ZC3H4: variants seen among roughly 807,000 people sequenced by gnomAD.
ZC3H4 encodes zinc finger CCCH domain-containing protein 4.
In ZC3H4, 13 loss-of-function variants were observed where a neutral mutation model predicts 108.3. That is an observed-to-expected ratio of 0.12 (90% CI 0.08 to 0.19). The LOEUF is 0.19. Among genes scored for constraint, ZC3H4 ranks in the 10% least tolerant of loss-of-function variants. The pLI, the probability that ZC3H4 is intolerant of heterozygous loss-of-function variation, is 1.00. For missense variants in ZC3H4, 1,734 were observed against 1,838.8 expected (o/e 0.94, Z 1.04); for synonymous variants, 917 against 749.6 (o/e 1.22, Z -3.65).
rs755568718 is a variant in ZC3H4 at position 47,072,487 on chromosome 19, TGAGGGGGCCCGGGCGGTGGGGGAGGGG to T, written c.1640_1666del (p.Pro547_Pro555del). On this transcript the variant is annotated inframe_deletion, in exon 12 of 15. Transcript: ENST00000253048. This position sits in a 1 kb window ranked among gnomAD's most constrained non-coding sequence, Gnocchi z 5.6. Reference sequence around the variant, plus strand: ...TGGCTCATGCACCGGCATGGGCATCTGAGGGGGCCCGGGCGGTGGGGGAGGGGGAGGGGGCGGGGGCGGGGGGCCACC... The same window carrying T: ...TGGCTCATGCACCGGCATGGGCATCTGAGGGGGCGGGGGCGGGGGGCCACC... The T allele has an allele frequency of 3.4e-6, 3 of 893,346 alleles. No individual in the cohort carries two copies. The highest frequency in any genetic ancestry group is 3.5e-5 in the African/African-American group (1 of 28,886). The allele number at this position is 893,346 out of a possible 1,614,324, so 55.3% of individuals were successfully genotyped here.
At chr19:47,076,992 CAA>C (rs764299882) in intron 11 of ZC3H4, among the ~76,000 whole-genome samples, 1 of 150,312 alleles carries the variant, frequency 6.7e-6, no homozygotes, top group Non-Finnish European at 1.5e-5. Flanking sequence ...GACTCCGTCT[CAA>C]AAAAAAATTT....
Position 47,067,902 on chromosome 19 carries a change from G to A in ZC3H4, c.2399-33C>T. ...AGAACAGAGGAGCAGGGAGGGGTGA[G>A]TGGGCGCATCCACCACCCGCCCTCT... On this transcript the variant is annotated intron_variant, in intron 14 of 14. Transcript: ENST00000253048. The surrounding 1 kb of genome is among the most constrained non-coding windows in gnomAD (Gnocchi z 6.4). 1 of 1,546,052 alleles carries A rather than the reference G, an allele frequency of 6.5e-7. No individual in the cohort carries two copies. The highest frequency in any genetic ancestry group is 8.7e-7 in the Non-Finnish European group (1 of 1,148,570).
At chr19:47,083,316 A>C in intron 9 of ZC3H4, among the ~76,000 whole-genome samples, 1 of 150,608 alleles carries the variant, frequency 6.6e-6, no homozygotes, top group African/African-American at 2.4e-5. Flanking sequence ...AAATTAAAAA[A>C]AAAAAAAGAG....
In ZC3H4 at chr19:47,072,337, G is replaced by C. The variant is rs749115982; in HGVS notation, c.1802+15C>G. ...ACAGCGCCCACTGCCTGTCACGGGG[G>C]TCCAGGGCACTCACCTCACACCCAG... is the stretch of plus-strand genomic sequence containing the variant. On this transcript the variant is annotated intron_variant, in intron 12 of 14. Coordinates refer to ENST00000253048, the MANE Select transcript of ZC3H4 (RefSeq NM_015168.2). This position sits in a 1 kb window ranked among gnomAD's most constrained non-coding sequence, Gnocchi z 5.6. 1 of 1,610,932 alleles carries C rather than the reference G, an allele frequency of 6.2e-7. No homozygotes were observed. Among genetic ancestry groups the C allele is most frequent in the Non-Finnish European group, 8.5e-7 (1 of 1,178,872 alleles).
chr19:47,079,354 A>T (rs1401364172), intron 11 of ZC3H4, among the ~76,000 whole-genome samples: 1 of 151,876 alleles, frequency 6.6e-6, no homozygotes, highest in Non-Finnish European at 1.5e-5. Flanking sequence ...AAAGAAAAAA[A>T]AAGTAATTTC....
At chr19:47,093,927 T>C (rs746508392) in intron 4 of ZC3H4, 43 bp downstream of exon 4, 5 of 1,554,428 alleles carry the variant, frequency 3.2e-6, no homozygotes, top group Admixed American at 1.7e-5. Context: ...GCAGTTGAAC[T>C]CCTCCCGGCC....
At chr19:47,091,656 G>A (rs1481056589) in intron 4 of ZC3H4, among the ~76,000 whole-genome samples, 1 of 151,322 alleles carries the variant, frequency 6.6e-6, no homozygotes, top group African/African-American at 2.4e-5. Context: ...CGGAGGCAAA[G>A]GCAGGCAGAT....
At chr19:47,112,270 A>T in intron 2 of ZC3H4, 154 bp downstream of exon 2, 1 of 1,131,366 alleles carries the variant, frequency 8.8e-7, no homozygotes, top group Non-Finnish European at 1.1e-6. Context: ...GCGAGCGAGC[A>T]AGCGATCGAG....
At chr19:47,102,763 T>TCA (rs1474299479) in intron 2 of ZC3H4, among the ~76,000 whole-genome samples, 1 of 148,334 alleles carries the variant, frequency 6.7e-6, no homozygotes, top group African/African-American at 2.5e-5. Flanking sequence ...ACCGAAGGAA[T>TCA]TCTGGCAAAA....
In ZC3H4 at chr19:47,066,661, T is replaced by G. The variant is rs1262546526; in HGVS notation, c.3607A>C (p.Lys1203Gln). The change falls in exon 15 of 15, where the codon AAG becomes CAG. Residue 1203 changes from lysine (K) to glutamine (Q), a missense_variant. Physicochemically the swap from Lys to Gln is moderately conservative, Grantham distance 53. Coordinates refer to ENST00000253048, the MANE Select transcript of ZC3H4 (RefSeq NM_015168.2). ...GGGGTGCCCCCATCAGCACCGGCCT[T>G]CCCTGTCTCTGGCTGTTCCAGGGCA... Reference protein sequence around the residue: ...KSALEQPETGKAGADGGTPTD... With the variant: ...KSALEQPETGQAGADGGTPTD... 5 of 1,611,714 alleles carry G rather than the reference T, an allele frequency of 3.1e-6. No homozygotes were observed. The highest frequency in any genetic ancestry group is 4.2e-6 in the Non-Finnish European group (5 of 1,179,602).
chr19:47,095,360 C>G lies in ZC3H4; in HGVS notation c.162-752G>C, dbSNP rs376471278. 8.7e-4 allele frequency among the ~76,000 whole-genome samples: 132 copies of G among 152,322 alleles called. 3 individuals are homozygous for G. The highest frequency in any genetic ancestry group is 3.4e-3 in the Middle Eastern group (1 of 294). ...GTCCCAGGTCACAAGGTCTGACCCACCCTCGTCAGTCCCACACCTCTAGGC... is the reference window on the plus strand; with the variant it reads ...GTCCCAGGTCACAAGGTCTGACCCAGCCTCGTCAGTCCCACACCTCTAGGC... On this transcript the variant is annotated intron_variant, in intron 2 of 14. Coordinates refer to ENST00000253048, the MANE Select transcript of ZC3H4 (RefSeq NM_015168.2).
At chr19:47,079,687 G>T (rs1038851545) in intron 11 of ZC3H4, among the ~76,000 whole-genome samples, 2 of 152,196 alleles carry the variant, frequency 1.3e-5, no homozygotes, top group Admixed American at 6.5e-5. Context: ...CACAAGGTCA[G>T]TAGTTCGAGA....
rs1035929519 is a variant in ZC3H4, at chr19:47,086,479, G to A, written c.775C>T (p.Arg259Cys). The A allele has an allele frequency of 4.3e-6, 7 of 1,609,984 alleles. No homozygotes were observed. The highest frequency in any genetic ancestry group is 5.1e-6 in the Non-Finnish European group (6 of 1,179,478). The part of the protein sequence containing the change: ...GRGSRGGSRG[R>C]GMGRGSRGRG... ...CCTCGGCTGCCCCTGCCCATGCCGC[G>A]GCCTCGCGATCCTCCACGGCTTCCT... Residue 259 changes from arginine to cysteine, a missense_variant, in exon 6 of 15, where the codon CGC (arginine) becomes TGC (cysteine). This residue lies in a region of ZC3H4 where 403 missense variants were observed against 457.0 expected (regional missense o/e 0.88). Coordinates refer to ENST00000253048, the MANE Select transcript of ZC3H4 (RefSeq NM_015168.2).
chr19:47,073,894 A>G (rs1209776618), intron 11 of ZC3H4, among the ~76,000 whole-genome samples: 1 of 152,198 alleles, frequency 6.6e-6, no homozygotes, highest in East Asian at 1.9e-4. Flanking sequence ...TTTATGGCTG[A>G]ATCATATTCC....
Position 47,072,192 on chromosome 19 carries a change from C to A in ZC3H4, c.1803-71G>T. The A allele has an allele frequency of 1.4e-6, 2 of 1,435,036 alleles. No individual in the cohort carries two copies. The highest frequency in any genetic ancestry group is 1.9e-6 in the Non-Finnish European group (2 of 1,077,486). 88.9% of individuals were successfully genotyped at this position (1,435,036 alleles called of 1,614,324 possible). On this transcript the variant is annotated intron_variant, in intron 12 of 14. Transcript: ENST00000253048. The surrounding 1 kb of genome is among the most constrained non-coding windows in gnomAD (Gnocchi z 5.6). ...CAGTGGCCACACCCCAGAGGAGAGG[C>A]GGAGGGCTGCAGAGCCGAAGGTCAT...
rs368486156 is a variant in ZC3H4 at position 47,067,459 on chromosome 19, C to T, written c.2809G>A (p.Val937Met). Reference protein sequence around the residue: ...EGERALREKAVNIPLDPLPGH... With the variant: ...EGERALREKAMNIPLDPLPGH... Reference sequence around the variant, plus strand: ...GGGAGTGGGTCCAGGGGAATGTTCACGGCCTTCTCCCGCAGGGCCCGCTCC... The same window carrying T: ...GGGAGTGGGTCCAGGGGAATGTTCATGGCCTTCTCCCGCAGGGCCCGCTCC... The change falls in exon 15 of 15, where the codon GTG (valine) becomes ATG (methionine). Residue 937 changes from valine (V) to methionine (M), a missense_variant. This residue lies in a region of ZC3H4 where 540 missense variants were observed against 484.1 expected (regional missense o/e 1.12). Transcript: ENST00000253048. The surrounding 1 kb of genome is among the most constrained non-coding windows in gnomAD (Gnocchi z 6.4). 184 of 1,586,840 alleles carry T rather than the reference C, an allele frequency of 1.2e-4. No homozygotes were observed. The highest frequency in any genetic ancestry group is 1.5e-4 in the Non-Finnish European group (175 of 1,165,510).
rs774732550 is a variant in ZC3H4, at chr19:47,069,257, C to T, written c.2233G>A (p.Glu745Lys). ...TTCGGCCGGCCTGGGGGCCCTCCCT[C>T]AGAGAAGCTGTCGGGCTCCAGAGGG... ...EHPLEPDSFS[E>K]GGPPGRPKPG... Residue 745 changes from glutamate to lysine, a missense_variant, in exon 14 of 15, where the codon GAG becomes AAG. By Grantham distance (56) the Glu-to-Lys change is moderately conservative (BLOSUM62 1). This residue lies in a region of ZC3H4 where 540 missense variants were observed against 484.1 expected (regional missense o/e 1.12). Transcript: ENST00000253048. 8 of 1,613,920 alleles carry T rather than the reference C, an allele frequency of 5.0e-6. No individual in the cohort carries two copies. In the East Asian group the frequency reaches 1.1e-4, roughly 22 times the overall value.
chr19:47,104,083 C>A (rs1434049987), intron 2 of ZC3H4, among the ~76,000 whole-genome samples: 6 of 152,008 alleles, frequency 3.9e-5, no homozygotes, highest in African/African-American at 1.5e-4. Context: ...CTTTGGGAGG[C>A]CAAGACAGGT....
chr19:47,107,556 C>T (rs1275752399), intron 2 of ZC3H4, among the ~76,000 whole-genome samples: 1 of 150,938 alleles, frequency 6.6e-6, no homozygotes, highest in Non-Finnish European at 1.5e-5. Flanking sequence ...CACACAGATG[C>T]GAAATGGCAA....
Sources: allele counts gnomAD v4.1 joint callset (sites outside exome capture counted in the v4.1 genomes callset), GRCh38; gene constraint gnomAD v4.1.1; regional missense constraint gnomAD v4.1.1; non-coding constraint Gnocchi (gnomAD v3.1); transcripts MANE v1.5; gene names NCBI Gene and HGNC (gene_info 2026-07-23, HGNC 2026-07-21).